Variants in EPHA3 observed in about 807,000 individuals in gnomAD.
The protein encoded by EPHA3 is EPH receptor A3.
A neutral mutation model predicts 107.1 loss-of-function variants in EPHA3; 42 were observed. The observed-to-expected ratio is 0.39, with a 90% confidence interval of 0.31 to 0.51. EPHA3 has a LOEUF of 0.51. EPHA3 is among the 20% of genes least tolerant of loss of function. The pLI, the probability that EPHA3 is intolerant of heterozygous loss-of-function variation, is 0.78. For missense variants in EPHA3, 1,183 were observed against 1,211.2 expected, an observed-to-expected ratio of 0.98 and a Z score of 0.35; for synonymous variants, 461 against 424.8, an observed-to-expected ratio of 1.09 and a Z score of -1.05.
At chr3:89,309,188 T>A (rs1268269527) in intron 3 of EPHA3, among the ~76,000 whole-genome samples, 1 of 152,090 alleles carries the variant, frequency 6.6e-6, no homozygotes, top group Non-Finnish European at 1.5e-5. Flanking sequence ...TTCATTGAAT[T>A]GGTAGGAGTT....
intron 15 of EPHA3, among the ~76,000 whole-genome samples, chr3:89,468,794 T>C (rs1576394335): frequency 6.6e-6 from 1 of 152,210 alleles, no homozygotes; most frequent in South Asian, 2.1e-4. Flanking sequence ...AAAGACTATT[T>C]CACTCATGAT....
chr3:89,456,724 C>T (rs760984408), intron 15 of EPHA3, among the ~76,000 whole-genome samples: 10 of 152,122 alleles, frequency 6.6e-5, no homozygotes, highest in Non-Finnish European at 1.5e-4. Context: ...AAGGGAAGGA[C>T]AGTTACATTA....
chr3:89,336,794 C>T (rs192688254), intron 3 of EPHA3, among the ~76,000 whole-genome samples: 71 of 152,170 alleles, frequency 4.7e-4, no homozygotes, highest in African/African-American at 1.7e-3. Flanking sequence ...GGTGCAGTAG[C>T]CCAAGCCTGT....
chr3:89,196,923 A>G (rs1224586140), intron 2 of EPHA3, among the ~76,000 whole-genome samples: 1 of 152,058 alleles, frequency 6.6e-6, no homozygotes, highest in East Asian at 1.9e-4. Flanking sequence ...ATTTCCACCA[A>G]TGCTATCCTA....
At chr3:89,278,634 C>T (rs1705867963) in intron 3 of EPHA3, among the ~76,000 whole-genome samples, 1 of 152,132 alleles carries the variant, frequency 6.6e-6, no homozygotes, top group East Asian at 1.9e-4. Flanking sequence ...TTCTCAATAA[C>T]CCATAACCAC....
At chr3:89,301,565 G>A (rs965471164) in intron 3 of EPHA3, among the ~76,000 whole-genome samples, 3 of 151,932 alleles carry the variant, frequency 2.0e-5, no homozygotes, top group African/African-American at 7.2e-5. Flanking sequence ...CCTCATGTTG[G>A]TGGATGTTTA....
At chr3:89,116,358 A>T (rs1707253133) in intron 1 of EPHA3, among the ~76,000 whole-genome samples, 1 of 152,184 alleles carries the variant, frequency 6.6e-6, no homozygotes, top group Non-Finnish European at 1.5e-5. Context: ...AGAAAATAGA[A>T]CATGGTCCAA....
intron 3 of EPHA3, among the ~76,000 whole-genome samples, chr3:89,245,182 T>A (rs1466213994): frequency 1.3e-5 from 2 of 152,212 alleles, no homozygotes; most frequent in Non-Finnish European, 2.9e-5. Context: ...TGAACAACTT[T>A]GAGTTACTTT....
rs1408004311 is a variant in EPHA3 at position 89,481,664 on chromosome 3, T to C, written c.*2162T>C. 1 of 232,396 alleles carries C rather than the reference T, an allele frequency of 4.3e-6. No individual in the cohort carries two copies. The highest frequency in any genetic ancestry group is 6.1e-5 in the East Asian group (1 of 16,356). 14.4% of individuals were successfully genotyped at this position (232,396 alleles called of 1,614,324 possible). A position where few individuals can be genotyped will look rare whatever the true frequency, so the allele number is the denominator to read the frequency against. On this transcript the variant is annotated 3_prime_UTR_variant, in exon 17 of 17. Transcript: ENST00000336596. The stretch of plus-strand genomic sequence containing the variant: ...AGGTTGTATACACCATATACTGTTC[T>C]TCATTTTATTAATATTTTTCTCCTT...
intron 5 of EPHA3, among the ~76,000 whole-genome samples, chr3:89,377,240 C>G (rs576747981): frequency 6.6e-6 from 1 of 152,114 alleles, no homozygotes; most frequent in East Asian, 1.9e-4. Flanking sequence ...GAAGAGAATA[C>G]GAACATTATA....
intron 5 of EPHA3, among the ~76,000 whole-genome samples, chr3:89,352,590 G>C (rs781321084): frequency 1.5e-4 from 23 of 150,834 alleles, no homozygotes; most frequent in African/African-American, 5.3e-4. Flanking sequence ...TAAAATATTA[G>C]AGCCCTTTGA....
intron 3 of EPHA3, among the ~76,000 whole-genome samples, chr3:89,293,704 A>G (rs1173044093): frequency 6.6e-6 from 1 of 152,122 alleles, no homozygotes; most frequent in Non-Finnish European, 1.5e-5. Context: ...CTGCTGCCAT[A>G]TAAGATGTGC....
In EPHA3 at chr3:89,128,693, A is replaced by G. The variant is rs1576168917; in HGVS notation, c.153+1420A>G. Among the ~76,000 whole-genome samples, 5 of 149,706 alleles carry G rather than the reference A, an allele frequency of 3.3e-5. No homozygotes were observed. In the South Asian group the frequency reaches 8.4e-4, roughly 25 times the overall value. ...AGACATACTATATACTATATATACT[A>G]TATACTCAATAATATAGTATATATA... On this transcript the variant is annotated intron_variant, in intron 2 of 16. Coordinates refer to ENST00000336596, the MANE Select transcript of EPHA3 (RefSeq NM_005233.6).
intron 5 of EPHA3, among the ~76,000 whole-genome samples, chr3:89,385,915 G>A (rs1473858615): frequency 6.6e-6 from 1 of 152,160 alleles, no homozygotes; most frequent in Non-Finnish European, 1.5e-5. Context: ...AGGCTGAGGT[G>A]GTCTCAGATG....
intron 1 of EPHA3, among the ~76,000 whole-genome samples, chr3:89,119,523 CA>C (rs1707331427): frequency 6.6e-6 from 1 of 151,990 alleles, no homozygotes; most frequent in Non-Finnish European, 1.5e-5. Flanking sequence ...TATAAAAACC[CA>C]AAAACAAGTC....
At chr3:89,208,910 T>C (rs899939199) in intron 2 of EPHA3, among the ~76,000 whole-genome samples, 4 of 152,126 alleles carry the variant, frequency 2.6e-5, no homozygotes, top group African/African-American at 9.7e-5. Context: ...CTGCAAGAAG[T>C]AAGCAAAATG....
chr3:89,266,469 G>T (rs1705540682), intron 3 of EPHA3, among the ~76,000 whole-genome samples: 1 of 151,992 alleles, frequency 6.6e-6, no homozygotes, highest in Non-Finnish European at 1.5e-5. Flanking sequence ...TTGAATTGAG[G>T]ATTTAAATTC....
chr3:89,194,615 C>A (rs1385165219), intron 2 of EPHA3, among the ~76,000 whole-genome samples: 12 of 152,144 alleles, frequency 7.9e-5, no homozygotes, highest in Non-Finnish European at 1.5e-5. Context: ...GCTTTGACTT[C>A]TTCTCTGCTA....
At chr3:89,404,710 AG>A (rs1270542477) in intron 7 of EPHA3, among the ~76,000 whole-genome samples, 5 of 152,218 alleles carry the variant, frequency 3.3e-5, no homozygotes, top group African/African-American at 9.6e-5. Flanking sequence ...TTTTAGAGAC[AG>A]AAAAAACTGT....
Sources: gnomAD v4.1 joint callset for allele counts (sites outside exome capture counted in the v4.1 genomes callset) on GRCh38, gnomAD v4.1.1 for gene constraint, MANE v1.5 for transcripts, NCBI Gene and HGNC (gene_info 2026-07-23, HGNC 2026-07-21) for gene names.